Variants in MYCT1 observed in about 807,000 individuals in gnomAD.
MYCT1 encodes the protein myc target protein 1.
MYCT1 carries 12 observed loss-of-function variants against 15.0 expected under a neutral mutation model. The ratio of observed to expected loss-of-function variants is 0.80; its 90% CI spans 0.51 to 1.29. MYCT1 has a LOEUF of 1.29. MYCT1 is among the 50% of genes most tolerant of loss of function. The pLI is 0.00. For synonymous variants in MYCT1, 104 were observed against 102.7 expected (o/e 1.01, Z -0.07); for missense variants, 287 against 279.1 (o/e 1.03, Z -0.20).
chr6:152,721,562 A>G (rs1011349071), intron 1 of MYCT1, among the ~76,000 whole-genome samples, 180 bp from the exon 2 acceptor site: 2 of 152,148 alleles, frequency 1.3e-5, no homozygotes, highest in Non-Finnish European at 2.9e-5. Flanking sequence ...GCTTGAATAA[A>G]TGGAAGCATT....
At chr6:152,727,666 G>T (rs1177584728), downstream of MYCT1, among the ~76,000 whole-genome samples, 1 of 152,182 alleles carries the variant, frequency 6.6e-6, no homozygotes, top group Middle Eastern at 3.2e-3. Flanking sequence ...AAGGATAGAT[G>T]CAAGTTCCAA....
At chr6:152,735,109 C>T in the MYCT1 span, among the ~76,000 whole-genome samples, 2 of 152,054 alleles carry the variant, frequency 1.3e-5, no homozygotes, top group Non-Finnish European at 2.9e-5. Flanking sequence ...CTGTTTTTAA[C>T]AGGAGAATAA....
intron 1 of MYCT1, among the ~76,000 whole-genome samples, chr6:152,717,195 A>G (rs943092522): frequency 1.3e-5 from 2 of 152,020 alleles, no homozygotes; most frequent in Non-Finnish European, 2.9e-5. Flanking sequence ...GTGTATGAAA[A>G]CCACCCCTGT....
intron 1 of MYCT1, among the ~76,000 whole-genome samples, chr6:152,713,117 A>G (rs2099723046): frequency 6.6e-6 from 1 of 151,992 alleles, no homozygotes; most frequent in Admixed American, 6.6e-5. Flanking sequence ...CATTTTTCAA[A>G]TTGGATAAGT....
At chr6:152,702,322 A>C (rs1022095044) in intron 1 of MYCT1, among the ~76,000 whole-genome samples, 2 of 152,058 alleles carry the variant, frequency 1.3e-5, no homozygotes, top group Admixed American at 6.6e-5. Flanking sequence ...AACTCAAAGC[A>C]CTCTTTTCTA....
At chr6:152,713,593 C>A (rs1359233158) in intron 1 of MYCT1, among the ~76,000 whole-genome samples, 1 of 152,106 alleles carries the variant, frequency 6.6e-6, no homozygotes, top group Non-Finnish European at 1.5e-5. Flanking sequence ...ACCTATAAAG[C>A]CTGTCCCTTG....
intron 1 of MYCT1, among the ~76,000 whole-genome samples, chr6:152,715,110 T>C (rs546001702): frequency 7.9e-5 from 12 of 152,296 alleles, no homozygotes; most frequent in Admixed American, 2.6e-4. Flanking sequence ...CAGATATTTT[T>C]GTTTCTTTTT....
intron 1 of MYCT1, among the ~76,000 whole-genome samples, chr6:152,716,258 A>G (rs182947812): frequency 4.4e-4 from 67 of 152,312 alleles, no homozygotes; most frequent in Non-Finnish European, 7.6e-4. Context: ...AATTATTATA[A>G]TCAATCAAAT....
At chr6:152,742,089 C>A in the MYCT1 span, among the ~76,000 whole-genome samples, 2 of 152,182 alleles carry the variant, frequency 1.3e-5, no homozygotes, top group Non-Finnish European at 2.9e-5. Context: ...TATTACGTGA[C>A]AGCAACATGC....
chr6:152,698,243 CTA>C (rs2099720747), intron 1 of MYCT1, 145 bp downstream of exon 1: 2 of 374,634 alleles, frequency 5.3e-6, no homozygotes, highest in Non-Finnish European at 9.6e-6. Flanking sequence ...TAACAGAAAT[CTA>C]TTTCATACGT....
Position 152,697,925 on chromosome 6 carries a change from G to T in MYCT1, c.23G>T (p.Gly8Val), listed in dbSNP as rs1262572304. Residue 8 changes from glycine (G) to valine (V), a missense_variant, in exon 1 of 2, where the codon GGG becomes GTG. By Grantham distance (109) the Gly-to-Val change is moderately radical. Transcript: ENST00000367245. Reference protein sequence around the residue: MRTQVYEGLCKNYFSLAV... With the variant: MRTQVYEVLCKNYFSLAV... ...TTTATGCGAACACAAGTATATGAGG[G>T]GTTGTGTAAAAATTATTTTTCTCTT... The T allele has an allele frequency of 2.5e-6, 4 of 1,592,168 alleles. No individual in the cohort carries two copies. Among genetic ancestry groups the T allele is most frequent in the East Asian group, 2.3e-5 (1 of 43,054 alleles).
chr6:152,719,097 G>A (rs190759465), intron 1 of MYCT1, among the ~76,000 whole-genome samples: 1 of 152,096 alleles, frequency 6.6e-6, no homozygotes, highest in East Asian at 1.9e-4. Flanking sequence ...AGGAATTTAT[G>A]TCCAACACAT....
chr6:152,698,139 A>G (rs759150210), intron 1 of MYCT1, 41 bp downstream of exon 1: 20 of 1,197,674 alleles, frequency 1.7e-5, no homozygotes, highest in Non-Finnish European at 2.3e-5. Context: ...TAAAATTAGG[A>G]TGTAAGAAAT....
At chr6:152,704,778 GATATAC>G (rs1474236671) in intron 1 of MYCT1, among the ~76,000 whole-genome samples, 1 of 152,022 alleles carries the variant, frequency 6.6e-6, no homozygotes, top group Non-Finnish European at 1.5e-5. Flanking sequence ...ATGATATTTT[GATATAC>G]ATATATATTA....
the MYCT1 span, among the ~76,000 whole-genome samples, chr6:152,729,878 T>C: frequency 7.9e-5 from 12 of 152,190 alleles, no homozygotes; most frequent in African/African-American, 2.4e-4. Flanking sequence ...TTGCAAAGTG[T>C]TTTGGGGTAG....
downstream of MYCT1, among the ~76,000 whole-genome samples, chr6:152,726,798 G>T (rs2099725744): frequency 6.6e-6 from 1 of 152,176 alleles, no homozygotes; most frequent in Admixed American, 6.5e-5. Flanking sequence ...CACTGCTGCT[G>T]ATGGGAGTGT....
the MYCT1 span, among the ~76,000 whole-genome samples, chr6:152,738,345 T>C: frequency 6.6e-6 from 1 of 152,230 alleles, no homozygotes; most frequent in African/African-American, 2.4e-5. Flanking sequence ...TGAAAGGAAA[T>C]ATGGAGAAAA....
chr6:152,705,142 G>T (rs2099722042), intron 1 of MYCT1, among the ~76,000 whole-genome samples: 1 of 152,134 alleles, frequency 6.6e-6, no homozygotes, highest in South Asian at 2.1e-4. Flanking sequence ...CAAACTCCTT[G>T]TAAGTTGAAA....
the MYCT1 span, among the ~76,000 whole-genome samples, chr6:152,746,819 AG>A: frequency 1.3e-5 from 2 of 152,192 alleles, no homozygotes; most frequent in Non-Finnish European, 2.9e-5. Context: ...TTTGATTTGA[AG>A]CAAAAAAATT....
Sources: allele counts gnomAD v4.1 joint callset (sites outside exome capture counted in the v4.1 genomes callset), GRCh38; gene constraint gnomAD v4.1.1; transcripts MANE v1.5; gene names NCBI Gene and HGNC (gene_info 2026-07-23, HGNC 2026-07-21).